BTBD9: variants seen among roughly 807,000 people sequenced by gnomAD.
BTBD9 encodes BTB domain containing 9.
BTBD9 carries 49 observed loss-of-function variants against 64.3 expected under a neutral mutation model. That is an observed-to-expected ratio of 0.76 (90% CI 0.61 to 0.97). The LOEUF is 0.97. Ranked by LOEUF, BTBD9 falls within the 50% of genes least tolerant of loss-of-function variation. The pLI is 0.00. For synonymous variants in BTBD9, 260 were observed against 274.7 expected, an observed-to-expected ratio of 0.95 and a Z score of 0.53; for missense variants, 598 against 762.1, an observed-to-expected ratio of 0.78 and a Z score of 2.53.
At chr6:38,260,315 T>C (rs942210045) in intron 8 of BTBD9, among the ~76,000 whole-genome samples, 1 of 152,234 alleles carries the variant, frequency 6.6e-6, no homozygotes, top group Non-Finnish European at 1.5e-5. Context: ...ATAACTGTTG[T>C]TGGAAGATAA....
At chr6:38,427,124 TC>T (rs1768199344) in intron 6 of BTBD9, among the ~76,000 whole-genome samples, 1 of 150,724 alleles carries the variant, frequency 6.6e-6, no homozygotes, top group South Asian at 2.1e-4. Context: ...TGTACCTCTA[TC>T]CCTTTATGGC....
intron 4 of BTBD9, among the ~76,000 whole-genome samples, chr6:38,591,625 T>A (rs1284380532): frequency 6.6e-6 from 1 of 152,230 alleles, no homozygotes; most frequent in Non-Finnish European, 1.5e-5. Flanking sequence ...TCTTTCTGTG[T>A]GACCTTGGGC....
intron 7 of BTBD9, among the ~76,000 whole-genome samples, chr6:38,344,202 GA>G (rs548302654): frequency 3.3e-5 from 5 of 151,040 alleles, no homozygotes; most frequent in South Asian, 4.2e-4. Context: ...GGGCATGGGG[GA>G]AAAAAAAGCA....
At chr6:38,361,093 G>A (rs1764935991) in intron 6 of BTBD9, among the ~76,000 whole-genome samples, 2 of 152,104 alleles carry the variant, frequency 1.3e-5, no homozygotes, top group South Asian at 4.1e-4. Context: ...CCCTGGTTGT[G>A]TATCAGAATC....
At chr6:38,277,341 T>A (rs1258523237) in intron 8 of BTBD9, among the ~76,000 whole-genome samples, 1 of 152,074 alleles carries the variant, frequency 6.6e-6, no homozygotes, top group Non-Finnish European at 1.5e-5. Context: ...ACAGAACTTT[T>A]TTTTTTTTTT....
At chr6:38,479,407 T>G (rs1771031239) in intron 6 of BTBD9, among the ~76,000 whole-genome samples, 1 of 152,176 alleles carries the variant, frequency 6.6e-6, no homozygotes, top group Non-Finnish European at 1.5e-5. Flanking sequence ...TCCTCAATGT[T>G]AGTAAAAACA....
chr6:38,422,954 T>C (rs923124188), intron 6 of BTBD9, among the ~76,000 whole-genome samples: 7 of 152,034 alleles, frequency 4.6e-5, no homozygotes, highest in East Asian at 1.9e-4. Context: ...TGAGACCTCA[T>C]CTCTATTTAA....
intron 1 of BTBD9, among the ~76,000 whole-genome samples, chr6:38,602,831 A>G (rs763958432): frequency 6.6e-6 from 1 of 151,976 alleles, no homozygotes. Flanking sequence ...CAAGGACATA[A>G]AGTTCATTAC....
chr6:38,373,779 C>A (rs574333773), intron 6 of BTBD9, among the ~76,000 whole-genome samples: 90 of 152,262 alleles, frequency 5.9e-4, no homozygotes, highest in African/African-American at 2.1e-3. Flanking sequence ...CCTCCTGCCT[C>A]AGCCTCCCAA....
In BTBD9 at chr6:38,521,921, C is replaced by T. The variant is rs527891914; in HGVS notation, c.1154+55679G>A. ...AACTCTTGACCCCAGGTGATCCACC[C>T]GCCTCAGCCTCCCAAAGCGCTAGGG... On this transcript the variant is annotated intron_variant, in intron 6 of 10. Coordinates refer to ENST00000481247, the MANE Select transcript of BTBD9 (RefSeq NM_001099272.2). Among the ~76,000 whole-genome samples the T allele has an allele frequency of 9.9e-5, 15 of 152,262 alleles. 1 individual carries two copies. The South Asian group carries it at 1.9e-3, about 19-fold the overall frequency.
rs530747150 is a variant in BTBD9 at position 38,596,273 on chromosome 6, C to T, written c.185+1637G>A. ...TAGCTTAGTGAGCCAGCAAATATTA[C>T]GAAGGTTCAATATCTACAAAGACAT... is the stretch of plus-strand genomic sequence containing the variant. On this transcript the variant is annotated intron_variant, in intron 2 of 10. Transcript: ENST00000481247. Among the ~76,000 whole-genome samples the T allele has an allele frequency of 5.3e-5, 8 of 152,228 alleles. No individual in the cohort carries two copies. In the East Asian group the frequency reaches 1.4e-3, roughly 26 times the overall value.
intron 6 of BTBD9, among the ~76,000 whole-genome samples, chr6:38,424,216 A>G (rs933038349): frequency 1.3e-5 from 2 of 152,016 alleles, no homozygotes; most frequent in Non-Finnish European, 2.9e-5. Flanking sequence ...TTGCAGAATA[A>G]AAGTCTCTGG....
chr6:38,558,257 T>TA (rs36105146), intron 6 of BTBD9, among the ~76,000 whole-genome samples: 31,231 of 146,126 alleles, frequency 0.21, 3,277 homozygotes, highest in Middle Eastern at 0.26. Flanking sequence ...GACCCTTTCT[T>TA]AAAAAAAAAA....
At chr6:38,597,108 T>C (rs1454856012) in intron 2 of BTBD9, among the ~76,000 whole-genome samples, 1 of 152,166 alleles carries the variant, frequency 6.6e-6, no homozygotes, top group Admixed American at 6.5e-5. Flanking sequence ...AGTAAATATT[T>C]CCAGGAGACA....
At position 38,214,010 on chromosome 6, in the gene BTBD9, A is replaced by AAAT. The variant is rs3047750; in HGVS notation, c.1563-21416_1563-21414dup. On this transcript the variant is annotated intron_variant, in intron 9 of 10. Transcript: ENST00000481247. Reference sequence around the variant, plus strand: ...GACTCCATCTCAAATAAACAAACAAAAATAATAATAATAATAATAATAATT... The same window carrying AAAT: ...GACTCCATCTCAAATAAACAAACAAAAATAATAATAATAATAATAATAATAATT... Among the ~76,000 whole-genome samples the AAAT allele has an allele frequency of 4.1e-3, 605 of 147,552 alleles. 8 individuals are homozygous for AAAT. The highest frequency in any genetic ancestry group is 0.031 in the East Asian group (155 of 5,018).
chr6:38,205,682 G>A (rs769642030), intron 9 of BTBD9, among the ~76,000 whole-genome samples: 3 of 151,476 alleles, frequency 2.0e-5, no homozygotes, highest in African/African-American at 7.3e-5. Flanking sequence ...CCAGGAGTTC[G>A]AGACCAGCCT....
chr6:38,322,474 C>T (rs777907774), intron 7 of BTBD9, among the ~76,000 whole-genome samples: 5 of 152,178 alleles, frequency 3.3e-5, no homozygotes, highest in Admixed American at 1.3e-4. Flanking sequence ...ATTATACCTC[C>T]AGCATGAAAA....
chr6:38,339,153 C>T (rs954699463), intron 7 of BTBD9, among the ~76,000 whole-genome samples: 1 of 152,148 alleles, frequency 6.6e-6, no homozygotes, highest in African/African-American at 2.4e-5. Flanking sequence ...TAGGAAAAGA[C>T]TTATACACAA....
At chr6:38,242,754 G>T (rs183494336) in intron 9 of BTBD9, among the ~76,000 whole-genome samples, 2 of 152,200 alleles carry the variant, frequency 1.3e-5, no homozygotes, top group African/African-American at 4.8e-5. Flanking sequence ...AATCAAAGTT[G>T]TGCATTTGAC....
Sources: gnomAD v4.1 joint callset for allele counts (sites outside exome capture counted in the v4.1 genomes callset) on GRCh38, gnomAD v4.1.1 for gene constraint, MANE v1.5 for transcripts, NCBI Gene and HGNC (gene_info 2026-07-23, HGNC 2026-07-21) for gene names.